PLXDC2: variants seen among roughly 807,000 people sequenced by gnomAD.
PLXDC2 encodes the protein plexin domain containing 2, also known as plexin domain-containing protein 2.
A neutral mutation model predicts 68.9 loss-of-function variants in PLXDC2; 40 were observed. The ratio of observed to expected loss-of-function variants is 0.58; its 90% confidence interval spans 0.45 to 0.76. PLXDC2 has a LOEUF of 0.76. Among genes scored for constraint, PLXDC2 ranks in the 30% least tolerant of loss-of-function variants. The probability of loss-of-function intolerance (pLI) is 0.00; values close to 1 mark genes in which losing one functional copy is unlikely to be tolerated. For missense variants in PLXDC2, 644 were observed against 661.9 expected (o/e 0.97, Z 0.30); for synonymous variants, 243 against 234.2 (o/e 1.04, Z -0.34).
At chr10:19,967,124 T>C in intron 1 of PLXDC2, among the ~76,000 whole-genome samples, 1 of 152,214 alleles carries the variant, frequency 6.6e-6, no homozygotes, top group Non-Finnish European at 1.5e-5. Flanking sequence ...TCCCCATCTC[T>C]ATCTAGAAAG....
chr10:19,903,056 T>C (rs1439745519), intron 1 of PLXDC2, among the ~76,000 whole-genome samples: 1 of 152,344 alleles, frequency 6.6e-6, no homozygotes, highest in East Asian at 1.9e-4. Context: ...CTTTTTGATA[T>C]GCTGTGGGAT....
intron 12 of PLXDC2, among the ~76,000 whole-genome samples, chr10:20,235,269 T>G (rs976564627): frequency 3.9e-5 from 6 of 152,162 alleles, no homozygotes; most frequent in Non-Finnish European, 2.9e-5. Context: ...TTTCCATGAG[T>G]AATTTCAAGA....
intron 13 of PLXDC2, among the ~76,000 whole-genome samples, chr10:20,268,874 A>T (rs1448374342): frequency 1.3e-5 from 2 of 152,216 alleles, no homozygotes; most frequent in Admixed American, 1.3e-4. Context: ...TCTGCAAAGT[A>T]CTTTTCTTTA....
intron 9 of PLXDC2, among the ~76,000 whole-genome samples, chr10:20,199,507 C>T (rs1240114959): frequency 1.3e-5 from 2 of 151,766 alleles, no homozygotes. Context: ...CAGTCAATAG[C>T]GTTCTATATC....
At chr10:19,942,863 A>AT (rs1426229228) in intron 1 of PLXDC2, among the ~76,000 whole-genome samples, 1 of 152,210 alleles carries the variant, frequency 6.6e-6, no homozygotes, top group Admixed American at 6.5e-5. Flanking sequence ...TCTGGTGTAT[A>AT]TTATATCGTT....
At chr10:20,210,631 A>G (rs1176591800) in intron 9 of PLXDC2, among the ~76,000 whole-genome samples, 3 of 152,282 alleles carry the variant, frequency 2.0e-5, no homozygotes, top group South Asian at 4.1e-4. Context: ...CTCGGGTTCC[A>G]TGATTCACTA....
intron 1 of PLXDC2, among the ~76,000 whole-genome samples, chr10:19,905,248 C>G (rs1833135151): frequency 6.6e-6 from 1 of 152,144 alleles, no homozygotes; most frequent in South Asian, 2.1e-4. Context: ...TTGGCATAGC[C>G]ATAGCCATGA....
At chr10:20,273,213 T>C (rs1835961428) in intron 13 of PLXDC2, among the ~76,000 whole-genome samples, 1 of 152,216 alleles carries the variant, frequency 6.6e-6, no homozygotes, top group Admixed American at 6.5e-5. Flanking sequence ...TACCAAAAAG[T>C]GCATTCATTC....
intron 1 of PLXDC2, among the ~76,000 whole-genome samples, chr10:19,987,662 C>T (rs1434543103): frequency 6.6e-6 from 1 of 151,702 alleles, no homozygotes; most frequent in Admixed American, 6.6e-5. Flanking sequence ...CCAGGGTTCA[C>T]GCCATTCTCC....
chr10:20,194,743 C>T lies in PLXDC2; in HGVS notation c.1062-16926C>T, dbSNP rs186341222. Among the ~76,000 whole-genome samples the T allele has an allele frequency of 5.2e-3, 790 of 150,968 alleles. 4 individuals are homozygous for T. The highest frequency in any genetic ancestry group is 0.016 in the African/African-American group (666 of 41,200). On this transcript the variant is annotated intron_variant, in intron 9 of 13. Transcript: ENST00000377252. ...GTTGGTGTGCTGCACCCATTTAACTCGTCATTTACATTAGGTATATCTCCT... is the reference window on the plus strand; with the variant it reads ...GTTGGTGTGCTGCACCCATTTAACTTGTCATTTACATTAGGTATATCTCCT...
At chr10:19,995,811 G>A (rs770974772) in intron 1 of PLXDC2, among the ~76,000 whole-genome samples, 1 of 152,188 alleles carries the variant, frequency 6.6e-6, no homozygotes, top group Non-Finnish European at 1.5e-5. Flanking sequence ...ACCTGGGGGA[G>A]TCAAGAGAAG....
Position 19,981,921 on chromosome 10 carries a change from C to G in PLXDC2, c.113-19854C>G, listed in dbSNP as rs570351661. ...TCATTGTAAAGCTTTCTTGTGAACCCTAACCATCCAGAAACTCCTGACCTC... is the reference window on the plus strand; with the variant it reads ...TCATTGTAAAGCTTTCTTGTGAACCGTAACCATCCAGAAACTCCTGACCTC... On this transcript the variant is annotated intron_variant, in intron 1 of 13. Transcript: ENST00000377252. Among the ~76,000 whole-genome samples, 3 of 152,294 alleles carry G rather than the reference C, an allele frequency of 2.0e-5. No homozygotes were observed. The East Asian group carries it at 5.8e-4, about 29-fold the overall frequency.
rs77154988 is a variant in PLXDC2, at chr10:20,279,955, T to G, written c.*136T>G. 5.0e-5 allele frequency: 34 copies of G among 681,530 alleles called. No homozygotes were observed. The East Asian group carries it at 8.0e-4, about 16-fold the overall frequency. The allele number at this position is 681,530 out of a possible 1,614,324, so 42.2% of individuals were successfully genotyped here. A position where few individuals can be genotyped will look rare whatever the true frequency, so the allele number is the denominator to read the frequency against. On this transcript the variant is annotated 3_prime_UTR_variant, in exon 14 of 14. Coordinates refer to ENST00000377252, the MANE Select transcript of PLXDC2 (RefSeq NM_032812.9). ...GCTGTAGCCTGAAGAAGACAAGATT[T>G]CTGGACAAGCTCAGCCCAGGAAACA...
rs192988829 is a variant in PLXDC2 at position 20,269,089 on chromosome 10, G to T, written c.1474-10614G>T. 1.4e-3 allele frequency among the ~76,000 whole-genome samples: 206 copies of T among 152,312 alleles called. 1 individual carries two copies. The highest frequency in any genetic ancestry group is 2.2e-3 in the Non-Finnish European group (152 of 68,018). On this transcript the variant is annotated intron_variant, in intron 13 of 13. Transcript: ENST00000377252. Reference sequence around the variant, plus strand: ...CCAAAGAATCTGTGCAGTATACTCTGCTAGAGTCTCTTACATTTACAGGGG... The same window carrying T: ...CCAAAGAATCTGTGCAGTATACTCTTCTAGAGTCTCTTACATTTACAGGGG...
At chr10:20,070,837 A>G (rs1836303125) in intron 4 of PLXDC2, 3 of 152,052 alleles carry the variant, frequency 2.0e-5, no homozygotes, top group African/African-American at 7.2e-5. Flanking sequence ...TATCTTTAAA[A>G]CTCATGTCAG....
Position 20,189,504 on chromosome 10 carries a change from T to TATATATATATATATATATATATATATAC in PLXDC2, c.1061+12096_1061+12097insTATATATATATATATATATATATATACA, listed in dbSNP as rs1554773611. Reference sequence around the variant, plus strand: ...ATATATATATATATATATATATATATACACATACACACACATATATATACA... The same window carrying TATATATATATATATATATATATATATAC: ...ATATATATATATATATATATATATATATATATATATATATATATATATATATACACACATACACACACATATATATACA... On this transcript the variant is annotated intron_variant, in intron 9 of 13. Coordinates refer to ENST00000377252, the MANE Select transcript of PLXDC2 (RefSeq NM_032812.9). 1.6e-5 allele frequency among the ~76,000 whole-genome samples: 2 copies of TATATATATATATATATATATATATATAC among 121,594 alleles called. 1 individual carries two copies. Among genetic ancestry groups the TATATATATATATATATATATATATATAC allele is most frequent in the South Asian group, 5.2e-4 (2 of 3,838 alleles). 79.8% of individuals were successfully genotyped at this position (121,594 alleles called of 152,430 possible).
intron 2 of PLXDC2, among the ~76,000 whole-genome samples, chr10:20,021,140 G>T (rs2131657653): frequency 6.6e-6 from 1 of 152,204 alleles, no homozygotes; most frequent in Non-Finnish European, 1.5e-5. Context: ...GGAAACATTT[G>T]CACATTCTCA....
chr10:19,860,619 A>G (rs1837301187), intron 1 of PLXDC2, among the ~76,000 whole-genome samples: 1 of 152,212 alleles, frequency 6.6e-6, no homozygotes. Context: ...TTCCATGAGA[A>G]TAGAAGACAT....
chr10:20,101,956 C>CAT (rs1564315662), intron 4 of PLXDC2, among the ~76,000 whole-genome samples: 1 of 152,050 alleles, frequency 6.6e-6, no homozygotes, highest in Non-Finnish European at 1.5e-5. Context: ...CGACCCCCAC[C>CAT]ATGCCCGGCT....
Sources: gnomAD v4.1 joint callset for allele counts (sites outside exome capture counted in the v4.1 genomes callset) on GRCh38, gnomAD v4.1.1 for gene constraint, MANE v1.5 for transcripts, NCBI Gene and HGNC (gene_info 2026-07-23, HGNC 2026-07-21) for gene names.